The following ERBB4 variants were observed in gnomAD, a reference collection of about 807,000 sequenced individuals.
ERBB4 encodes the protein receptor tyrosine-protein kinase erbB-4.
ERBB4 carries 42 observed loss-of-function variants against 158.0 expected under a neutral mutation model. That is an observed-to-expected ratio of 0.27 (90% CI 0.21 to 0.34). The LOEUF is 0.34. ERBB4 is among the 10% of genes least tolerant of loss of function. The probability of loss-of-function intolerance (pLI) is 1.00; values close to 1 mark genes in which losing one functional copy is unlikely to be tolerated. For synonymous variants in ERBB4, 583 were observed against 558.7 expected (o/e 1.04, Z -0.61); for missense variants, 1,333 against 1,624.1 (o/e 0.82, Z 3.08).
At chr2:211,957,758 A>C (rs2081072729) in intron 2 of ERBB4, among the ~76,000 whole-genome samples, 1 of 152,140 alleles carries the variant, frequency 6.6e-6, no homozygotes, top group Non-Finnish European at 1.5e-5. Context: ...CATATATAAA[A>C]CTGTATTTTT....
At chr2:211,440,712 A>G (rs1278413240) in intron 20 of ERBB4, among the ~76,000 whole-genome samples, 1 of 152,206 alleles carries the variant, frequency 6.6e-6, no homozygotes. Flanking sequence ...AATAATTTCA[A>G]TAACTATTTT....
chr2:211,454,694 T>C (rs2064334620), intron 20 of ERBB4, among the ~76,000 whole-genome samples: 1 of 152,224 alleles, frequency 6.6e-6, no homozygotes, highest in Admixed American at 6.5e-5. Flanking sequence ...TAACTTTACA[T>C]CTCCTATTCC....
intron 1 of ERBB4, among the ~76,000 whole-genome samples, chr2:212,500,969 G>A (rs181385985): frequency 1.6e-5 from 2 of 127,320 alleles, no homozygotes; most frequent in African/African-American, 4.6e-5. Flanking sequence ...TTATTTGAAT[G>A]AGAAAAGGGG....
intron 20 of ERBB4, among the ~76,000 whole-genome samples, chr2:211,518,998 C>T (rs554922810): frequency 1.3e-5 from 2 of 152,184 alleles, no homozygotes; most frequent in East Asian, 3.9e-4. Flanking sequence ...TGCTTCCTTG[C>T]CTTCCAACTT....
chr2:212,024,658 C>A (rs1254633277), intron 2 of ERBB4, among the ~76,000 whole-genome samples: 1 of 151,902 alleles, frequency 6.6e-6, no homozygotes, highest in Non-Finnish European at 1.5e-5. Context: ...CTATCACTTC[C>A]TACTTACCTC....
chr2:212,518,289 T>C (rs185505706), intron 1 of ERBB4, among the ~76,000 whole-genome samples: 15 of 152,126 alleles, frequency 9.9e-5, no homozygotes, highest in African/African-American at 3.4e-4. Context: ...ATTCTAATAA[T>C]TGTCTCTGAT....
At chr2:212,165,517 T>A (rs950927486) in intron 1 of ERBB4, among the ~76,000 whole-genome samples, 8 of 151,900 alleles carry the variant, frequency 5.3e-5, no homozygotes, top group African/African-American at 1.9e-4. Context: ...CTCTGGCCAG[T>A]GAGATAGAAG....
intron 17 of ERBB4, among the ~76,000 whole-genome samples, chr2:211,624,557 A>T (rs887789731): frequency 6.6e-6 from 1 of 152,182 alleles, no homozygotes; most frequent in Non-Finnish European, 1.5e-5. Context: ...TAGAACTCTA[A>T]GGGATGCCTA....
chr2:211,946,346 T>A (rs372160175), intron 3 of ERBB4, among the ~76,000 whole-genome samples: 1 of 152,156 alleles, frequency 6.6e-6, no homozygotes, highest in East Asian at 1.9e-4. Flanking sequence ...ACAAATGATT[T>A]CAATATTCTG....
At chr2:211,417,011 A>T (rs537459923) in intron 25 of ERBB4, among the ~76,000 whole-genome samples, 2 of 152,236 alleles carry the variant, frequency 1.3e-5, no homozygotes, top group South Asian at 4.2e-4. Flanking sequence ...TTAATAGGTA[A>T]CGTGCATGCA....
chr2:211,916,324 C>A (rs1172383293), intron 3 of ERBB4, among the ~76,000 whole-genome samples: 6 of 152,036 alleles, frequency 3.9e-5, no homozygotes, highest in Admixed American at 1.3e-4. Flanking sequence ...GGATTACAGG[C>A]ACCTGCCACC....
intron 25 of ERBB4, among the ~76,000 whole-genome samples, chr2:211,398,404 C>A (rs2062964848): frequency 6.6e-6 from 1 of 152,156 alleles, no homozygotes; most frequent in Non-Finnish European, 1.5e-5. Context: ...CTAGGATGCA[C>A]TAAGGAAAAC....
At chr2:212,360,958 C>G (rs1302873799) in intron 1 of ERBB4, among the ~76,000 whole-genome samples, 2 of 151,614 alleles carry the variant, frequency 1.3e-5, no homozygotes, top group African/African-American at 4.8e-5. Flanking sequence ...ACAGATTTTT[C>G]TCAGAGGAAA....
Position 211,378,604 on chromosome 2 carries a change from A to G in ERBB4, c.*5011T>C. On this transcript the variant is annotated 3_prime_UTR_variant, in exon 28 of 28. Coordinates refer to ENST00000342788, the MANE Select transcript of ERBB4 (RefSeq NM_005235.3). ...AACTCAGATCTCTGGGATCAGAAAAATTTTATTAATTCTACCCAGAAGTAT... is the reference window on the plus strand; with the variant it reads ...AACTCAGATCTCTGGGATCAGAAAAGTTTTATTAATTCTACCCAGAAGTAT... 4.3e-6 allele frequency: 1 copy of G among 232,602 alleles called. No homozygotes were observed. The highest frequency in any genetic ancestry group is 8.5e-6 in the Non-Finnish European group (1 of 117,334). The allele number at this position is 232,602 out of a possible 1,614,324, so 14.4% of individuals were successfully genotyped here.
At chr2:211,968,682 T>C (rs2081371669) in intron 2 of ERBB4, among the ~76,000 whole-genome samples, 2 of 152,042 alleles carry the variant, frequency 1.3e-5, no homozygotes, top group African/African-American at 4.8e-5. Context: ...CATAAGGGAA[T>C]TCTATGTTTC....
intron 12 of ERBB4, among the ~76,000 whole-genome samples, chr2:211,696,873 T>C (rs995877869): frequency 5.3e-5 from 8 of 152,094 alleles, no homozygotes; most frequent in Non-Finnish European, 8.8e-5. Context: ...TTTCACCATG[T>C]TGGCCAGGCT....
At chr2:211,983,002 G>GT (rs1415578121) in intron 2 of ERBB4, among the ~76,000 whole-genome samples, 4 of 152,100 alleles carry the variant, frequency 2.6e-5, no homozygotes, top group African/African-American at 9.7e-5. Flanking sequence ...ATATATTGAC[G>GT]TGAGTCATGA....
intron 1 of ERBB4, among the ~76,000 whole-genome samples, chr2:212,497,285 T>C (rs73069020): frequency 0.045 from 6,811 of 152,248 alleles, 521 homozygotes; most frequent in African/African-American, 0.15. Flanking sequence ...ATTATGTTTA[T>C]TTTGAAACAG....
At chr2:212,421,244 C>T (rs1468666812) in intron 1 of ERBB4, among the ~76,000 whole-genome samples, 2 of 152,072 alleles carry the variant, frequency 1.3e-5, no homozygotes, top group African/African-American at 4.8e-5. Context: ...TTTAATTGGA[C>T]ATTCTACACT....
Sources: allele counts gnomAD v4.1 joint callset (sites outside exome capture counted in the v4.1 genomes callset), GRCh38; gene constraint gnomAD v4.1.1; transcripts MANE v1.5; gene names NCBI Gene and HGNC (gene_info 2026-07-23, HGNC 2026-07-21).